The following PTPRO variants were observed in gnomAD, a reference collection of about 807,000 sequenced individuals.
PTPRO encodes the protein receptor-type tyrosine-protein phosphatase O.
Under a neutral mutation model 145.2 loss-of-function variants are expected in PTPRO, and 62 were observed. The observed-to-expected ratio is 0.43, with a 90% CI of 0.35 to 0.53. The LOEUF (loss-of-function observed/expected upper bound fraction) is 0.53. Among genes scored for constraint, PTPRO ranks in the 20% least tolerant of loss-of-function variants. The probability of loss-of-function intolerance (pLI) is 0.01; values close to 1 mark genes in which losing one functional copy is unlikely to be tolerated. For synonymous variants in PTPRO, 565 were observed against 514.7 expected (o/e 1.10, Z -1.32); for missense variants, 1,345 against 1,482.7 (o/e 0.91, Z 1.53).
chr12:15,369,846 G>A (rs1351326773), intron 1 of PTPRO, among the ~76,000 whole-genome samples: 2 of 152,154 alleles, frequency 1.3e-5, no homozygotes, highest in African/African-American at 4.8e-5. Flanking sequence ...GAGGTCAGGA[G>A]TGCAAGACCA....
intron 1 of PTPRO, among the ~76,000 whole-genome samples, chr12:15,413,053 A>T (rs982149791): frequency 1.3e-5 from 2 of 151,980 alleles, no homozygotes; most frequent in Admixed American, 6.5e-5. Context: ...TCAGCCTCCC[A>T]AAGTGTTGGG....
At chr12:15,385,352 C>T (rs1426769955) in intron 1 of PTPRO, among the ~76,000 whole-genome samples, 2 of 152,046 alleles carry the variant, frequency 1.3e-5, no homozygotes, top group Admixed American at 6.6e-5. Context: ...AGGGCAACTA[C>T]GGATTCAGAC....
chr12:15,566,040 T>G (rs1446361493), intron 18 of PTPRO, among the ~76,000 whole-genome samples: 2 of 152,220 alleles, frequency 1.3e-5, no homozygotes, highest in African/African-American at 4.8e-5. Flanking sequence ...GATGTTATAA[T>G]AGATACTTTG....
At chr12:15,383,037 A>G (rs1268687334) in intron 1 of PTPRO, among the ~76,000 whole-genome samples, 1 of 152,220 alleles carries the variant, frequency 6.6e-6, no homozygotes, top group Non-Finnish European at 1.5e-5. Flanking sequence ...TAATCACCAC[A>G]CTGTGCAATA....
chr12:15,430,361 C>T (rs902900301), intron 1 of PTPRO, among the ~76,000 whole-genome samples: 3 of 151,910 alleles, frequency 2.0e-5, no homozygotes, highest in Admixed American at 6.6e-5. Context: ...TGATAGAAGC[C>T]GAGGGATTCT....
At chr12:15,513,160 AG>A (rs1942492053) in intron 7 of PTPRO, among the ~76,000 whole-genome samples, 1 of 26,340 alleles carries the variant, frequency 3.8e-5, no homozygotes, top group Admixed American at 3.6e-4. Flanking sequence ...AGAAAGAAAA[AG>A]AAAGAAAGAA....
At chr12:15,531,476 A>G (rs1017601445) in intron 12 of PTPRO, among the ~76,000 whole-genome samples, 1 of 152,216 alleles carries the variant, frequency 6.6e-6, no homozygotes, top group Non-Finnish European at 1.5e-5. Context: ...TCTTTATATT[A>G]TGACATACAG....
At chr12:15,520,064 G>A (rs1027062591) in intron 9 of PTPRO, 137 bp from the exon 10 acceptor site, 19 of 594,280 alleles carry the variant, frequency 3.2e-5, no homozygotes, top group Non-Finnish European at 5.5e-5. Context: ...TTTTATTATA[G>A]TAAATTTAGG....
chr12:15,484,513 A>C (rs1218283314), intron 2 of PTPRO, among the ~76,000 whole-genome samples: 1 of 152,160 alleles, frequency 6.6e-6, no homozygotes, highest in African/African-American at 2.4e-5. Flanking sequence ...ACAATTTCAA[A>C]TTCATGATTG....
At chr12:15,404,642 C>A (rs1052819362) in intron 1 of PTPRO, among the ~76,000 whole-genome samples, 4 of 152,116 alleles carry the variant, frequency 2.6e-5, no homozygotes, top group Admixed American at 1.3e-4. Context: ...AGTTATTAAT[C>A]ATACTTCATC....
chr12:15,586,340 A>G (rs1255166737), intron 23 of PTPRO, among the ~76,000 whole-genome samples: 2 of 152,202 alleles, frequency 1.3e-5, no homozygotes, highest in Non-Finnish European at 2.9e-5. Flanking sequence ...GAACAGCACC[A>G]TGGTACTGTC....
chr12:15,416,325 C>CT (rs33914934), intron 1 of PTPRO, among the ~76,000 whole-genome samples: 80,158 of 143,566 alleles, frequency 0.56, 22,621 homozygotes, highest in South Asian at 0.66. Flanking sequence ...CTCTCTCTTT[C>CT]TTTTTTTTTT....
intron 1 of PTPRO, among the ~76,000 whole-genome samples, chr12:15,452,538 C>A (rs1941073540): frequency 6.6e-6 from 1 of 151,980 alleles, no homozygotes; most frequent in South Asian, 2.1e-4. Flanking sequence ...AAGGACGTGA[C>A]AGAAAACAAG....
chr12:15,405,772 C>T (rs1255969431), intron 1 of PTPRO, among the ~76,000 whole-genome samples: 2 of 152,098 alleles, frequency 1.3e-5, no homozygotes, highest in Non-Finnish European at 2.9e-5. Context: ...TACTGAACCA[C>T]AAGCTTATTT....
At chr12:15,403,920 A>G (rs1237048953) in intron 1 of PTPRO, among the ~76,000 whole-genome samples, 1 of 152,012 alleles carries the variant, frequency 6.6e-6, no homozygotes, top group East Asian at 1.9e-4. Context: ...GTTTAGGGCC[A>G]GGCACTGTGG....
At chr12:15,394,848 C>T (rs1939292503) in intron 1 of PTPRO, among the ~76,000 whole-genome samples, 1 of 152,148 alleles carries the variant, frequency 6.6e-6, no homozygotes, top group Non-Finnish European at 1.5e-5. Flanking sequence ...TGTCTAGTTT[C>T]TGTAAGATTT....
intron 1 of PTPRO, among the ~76,000 whole-genome samples, chr12:15,458,515 C>T (rs369497852): frequency 2.0e-5 from 3 of 151,644 alleles, no homozygotes; most frequent in Non-Finnish European, 4.4e-5. Flanking sequence ...CTTAAGTGAG[C>T]TTTTATCACT....
At chr12:15,419,722 C>A (rs1443286673) in intron 1 of PTPRO, among the ~76,000 whole-genome samples, 4 of 148,838 alleles carry the variant, frequency 2.7e-5, no homozygotes, top group Admixed American at 6.6e-5. Context: ...TACGTCAAAG[C>A]TAGTTCTTTG....
chr12:15,428,664 G>A (rs1940349378), intron 1 of PTPRO, among the ~76,000 whole-genome samples: 1 of 152,066 alleles, frequency 6.6e-6, no homozygotes, highest in Admixed American at 6.6e-5. Context: ...AAATATTACT[G>A]TTTCAAATAA....
Sources: allele counts gnomAD v4.1 joint callset (sites outside exome capture counted in the v4.1 genomes callset), GRCh38; gene constraint gnomAD v4.1.1; transcripts MANE v1.5; gene names NCBI Gene and HGNC (gene_info 2026-07-23, HGNC 2026-07-21).